The following KDM5C variants were observed in gnomAD, a reference collection of about 807,000 sequenced individuals.
KDM5C encodes lysine-specific demethylase 5C.
A neutral mutation model predicts 110.6 loss-of-function variants in KDM5C; 16 were observed. That is an observed-to-expected ratio of 0.14 (90% CI 0.10 to 0.22). KDM5C has a LOEUF of 0.22. KDM5C is among the 10% of genes least tolerant of loss of function. The pLI, the probability that KDM5C is intolerant of heterozygous loss-of-function variation, is 1.00. For missense variants in KDM5C, 681 were observed against 1,300.9 expected (o/e 0.52, Z 7.33); for synonymous variants, 511 against 520.4 (o/e 0.98, Z 0.24).
chrX:53,210,079 A>C (rs1377307051), intron 12 of KDM5C, among the ~76,000 whole-genome samples: 1 of 112,315 alleles, frequency 8.9e-6, no homozygotes, highest in Non-Finnish European at 1.9e-5. Context: ...TTACTAACAG[A>C]AGGTGAATGG....
At chrX:53,212,076 G>A (rs1425015564) in intron 8 of KDM5C, among the ~76,000 whole-genome samples, 170 bp from the exon 9 acceptor site, 8 of 111,464 alleles carry the variant, frequency 7.2e-5, no homozygotes, top group Admixed American at 5.7e-4. Context: ...TTACCACTTC[G>A]GCTTAGTCTT....
rs781948938 is a variant in KDM5C, at chrX:53,194,762, A to G, written c.3439-24T>C. 4 of 1,206,571 alleles carry G rather than the reference A, an allele frequency of 3.3e-6. No homozygotes were observed. In the African/African-American group the frequency reaches 5.3e-5, roughly 16 times the overall value. On this transcript the variant is annotated intron_variant, in intron 22 of 25. Transcript: ENST00000375401. Reference sequence around the variant, plus strand: ...ATCTGCCATACCCAGGACAGGAGCAAAGTGGGTCAGCAGCCTACCCCTTCC... The same window carrying G: ...ATCTGCCATACCCAGGACAGGAGCAGAGTGGGTCAGCAGCCTACCCCTTCC...
At chrX:53,216,340 T>C in intron 5 of KDM5C, 143 bp from the exon 6 acceptor site, 1 of 871,886 alleles carries the variant, frequency 1.1e-6, no homozygotes, top group Admixed American at 2.3e-5. Context: ...AACTCAGAGT[T>C]GCTTTTTGGA....
intron 18 of KDM5C, 152 bp downstream of exon 18, chrX:53,197,619 G>A: frequency 2.0e-6 from 1 of 504,151 alleles, no homozygotes. Flanking sequence ...CAAGTCACTA[G>A]ACCCTTGCCT....
chrX:53,191,262 T>C (rs1298448679), downstream of KDM5C: 1 of 169,164 alleles, frequency 5.9e-6, no homozygotes, highest in Non-Finnish European at 1.1e-5. Context: ...CCAACTACTA[T>C]GGGACCATTA....
In KDM5C at chrX:53,181,142, T is replaced by G. The variant is rs868963296; in HGVS notation, c.4309-4520A>C. 2.4e-3 allele frequency among the ~76,000 whole-genome samples: 263 copies of G among 109,407 alleles called. 1 individual carries two copies. The highest frequency in any genetic ancestry group is 0.024 in the Middle Eastern group (5 of 212). ...CTATATTTATATATATATATTTTTT[T>G]TTGTTTGTTTGTTTTTTGTTTTTAA... On this transcript the variant is annotated intron_variant, in intron 25 of 25. Coordinates refer to the KDM5C transcript ENST00000685641.
chrX:53,212,282 T>C (rs1474713841), intron 8 of KDM5C: 2 of 182,561 alleles, frequency 1.1e-5, no homozygotes, highest in Admixed American at 1.4e-4. Flanking sequence ...GCCACCATTT[T>C]TCCTCTCTAG....
In KDM5C at chrX:53,218,304, C is replaced by T. The variant is rs782276964; in HGVS notation, c.323G>A (p.Arg108Gln). ...SSLKIPNVER[R>Q]ILDLYSLSKI... is the part of the protein sequence containing the mutation. ...GCTGAGACTGTAGAGGTCCAAGATC[C>T]GCCGTTCTACATTGGGAATCTTTAA... is the stretch of plus-strand genomic sequence containing the variant. Residue 108 changes from arginine (R) to glutamine (Q), a missense_variant, in exon 3 of 26, where the codon CGG becomes CAG. Arg to Gln is a conservative substitution (Grantham distance 43). Transcript: ENST00000375401. 5 of 1,210,844 alleles carry T rather than the reference C, an allele frequency of 4.1e-6. No individual in the cohort carries two copies. The highest frequency in any genetic ancestry group is 3.0e-5 in the East Asian group (1 of 33,829).
In KDM5C at chrX:53,192,873, G is replaced by GCCCCCCCCCCC; in HGVS notation, c.*93_*94insGGGGGGGGGGG. On this transcript the variant is annotated 3_prime_UTR_variant, in exon 26 of 26. Transcript: ENST00000375401. ...AGCAGGGATGGCCACCCCCCTACCC[G>GCCCCCCCCCCC]CCCACCCCCCAAGAAGCAGGCTTGA... The GCCCCCCCCCCC allele has an allele frequency of 1.3e-5, 3 of 230,671 alleles. No individual in the cohort carries two copies. Among genetic ancestry groups the GCCCCCCCCCCC allele is most frequent in the Non-Finnish European group, 1.9e-5 (3 of 159,370 alleles). The allele number at this position is 230,671 out of a possible 1,213,427, so 19.0% of individuals were successfully genotyped here.
chrX:53,181,093 G>A (rs1274940756), intron 25 of KDM5C, among the ~76,000 whole-genome samples: 1 of 109,057 alleles, frequency 9.2e-6, no homozygotes, highest in African/African-American at 3.3e-5. Flanking sequence ...GCTGGGATTA[G>A]AGGTGTGAGC....
At chrX:53,196,307 G>C (rs1934850831) in intron 19 of KDM5C, among the ~76,000 whole-genome samples, 2 of 112,274 alleles carry the variant, frequency 1.8e-5, no homozygotes, top group South Asian at 7.4e-4. Flanking sequence ...TGGCCTGCTA[G>C]CAATGCCTAC....
chrX:53,204,837 A>G (rs782354625), intron 12 of KDM5C, among the ~76,000 whole-genome samples: 4 of 111,153 alleles, frequency 3.6e-5, no homozygotes, highest in Non-Finnish European at 3.8e-5. Context: ...CCTTATTTTC[A>G]CCCCATCCAT....
intron 14 of KDM5C, chrX:53,201,149 G>GA (rs1362848059): frequency 5.0e-6 from 1 of 201,898 alleles, no homozygotes; most frequent in Non-Finnish European, 9.2e-6. Context: ...AGTGAGATAT[G>GA]AAAGATCAAG....
At chrX:53,188,235 G>T (rs1384940961), downstream of KDM5C, among the ~76,000 whole-genome samples, 8 of 110,486 alleles carry the variant, frequency 7.2e-5, no homozygotes, top group African/African-American at 2.6e-4. Context: ...ATTGCATGTG[G>T]AAGCAACATG....
In KDM5C at chrX:53,201,653, G is replaced by A. The variant is rs2146865733; in HGVS notation, c.1958C>T (p.Ala653Val). Reference protein sequence around the residue: ...SHEELICKMAACPEKLDLNLA... With the variant: ...SHEELICKMAVCPEKLDLNLA... ...GTTCAGGTCTAGCTTCTCTGGGCAG[G>A]CAGCCATCTTGCAGATAAGCTCCTC... is the stretch of plus-strand genomic sequence containing the variant. The change falls in exon 14 of 26, where the codon GCC becomes GTC. Residue 653 changes from alanine (A) to valine (V), a missense_variant. Ala to Val is a moderately conservative substitution (Grantham distance 64). Transcript: ENST00000375401. 1 of 1,211,997 alleles carries A rather than the reference G, an allele frequency of 8.3e-7. No individual in the cohort carries two copies. Among genetic ancestry groups the A allele is most frequent in the South Asian group, 1.8e-5 (1 of 57,047 alleles).
At position 53,193,856 on chromosome X, in the gene KDM5C, G is replaced by T; in HGVS notation, c.4039-5C>A. On this transcript the variant is annotated splice_polypyrimidine_tract_variant and splice_region_variant and intron_variant, in intron 23 of 25. Coordinates refer to ENST00000375401, the MANE Select transcript of KDM5C (RefSeq NM_004187.5). ...ATTCTCCAGTAAGCCCTGGACCTGC[G>T]GAGGAGAGCAAGAATAGGTAGGGGC... The T allele has an allele frequency of 1.7e-6, 2 of 1,205,241 alleles. No individual in the cohort carries two copies. Among genetic ancestry groups the T allele is most frequent in the Non-Finnish European group, 2.2e-6 (2 of 889,946 alleles).
At chrX:53,191,984 C>T (rs1934453082), downstream of KDM5C, 7 of 173,011 alleles carry the variant, frequency 4.0e-5, no homozygotes, top group Admixed American at 2.4e-4. Context: ...GGGTTAGAGT[C>T]GGGGGAGGAT....
At chrX:53,189,693 GCA>G (rs1934342822), downstream of KDM5C, among the ~76,000 whole-genome samples, 5 of 112,779 alleles carry the variant, frequency 4.4e-5, no homozygotes, top group Admixed American at 3.7e-4. Context: ...AGAGTCATAT[GCA>G]CAGTGTGGAG....
In KDM5C at chrX:53,198,754, C is replaced by G. The variant is rs374240414; in HGVS notation, c.2368+10G>C. The G allele has an allele frequency of 1.3e-5, 16 of 1,212,265 alleles. No homozygotes were observed. The highest frequency in any genetic ancestry group is 1.5e-5 in the Non-Finnish European group (13 of 895,597). ...GCCTGTGGAGTCCCTCCATCCCCCC[C>G]ATCACTCACTGCGCTTCCGCCCATC... On this transcript the variant is annotated intron_variant, in intron 16 of 25. Transcript: ENST00000375401.
Sources: allele counts gnomAD v4.1 joint callset (sites outside exome capture counted in the v4.1 genomes callset), GRCh38; gene constraint gnomAD v4.1.1; transcripts MANE v1.5; gene names NCBI Gene and HGNC (gene_info 2026-07-23, HGNC 2026-07-21).